The following KLHL1 variants were observed in gnomAD, a reference collection of about 807,000 sequenced individuals.
KLHL1 encodes kelch like family member 1, also known as kelch-like protein 1.
A neutral mutation model predicts 77.7 loss-of-function variants in KLHL1; 47 were observed. The ratio of observed to expected loss-of-function variants is 0.60; its 90% CI spans 0.48 to 0.77. The LOEUF is 0.77. Ranked by LOEUF, KLHL1 falls within the 30% of genes least tolerant of loss-of-function variation. The probability of loss-of-function intolerance (pLI) is 0.00; values close to 1 mark genes in which losing one functional copy is unlikely to be tolerated. For synonymous variants in KLHL1, 360 were observed against 325.2 expected (o/e 1.11, Z -1.15); for missense variants, 925 against 910.8 (o/e 1.02, Z -0.20).
chr13:69,927,805 A>G (rs2030986198), intron 4 of KLHL1, among the ~76,000 whole-genome samples: 1 of 152,232 alleles, frequency 6.6e-6, no homozygotes, highest in Non-Finnish European at 1.5e-5. Context: ...TATGAAATGT[A>G]CAGCTAGGTT....
chr13:69,951,795 C>T lies in KLHL1; in HGVS notation c.817+9513G>A, dbSNP rs527430316. On this transcript the variant is annotated intron_variant, in intron 3 of 10. Coordinates refer to ENST00000377844, the MANE Select transcript of KLHL1 (RefSeq NM_020866.3). Reference sequence around the variant, plus strand: ...GATCACCACTTTTATTTTCTGACTGCGAACATTCATGCCTTTCTTGAAATC... The same window carrying T: ...GATCACCACTTTTATTTTCTGACTGTGAACATTCATGCCTTTCTTGAAATC... Among the ~76,000 whole-genome samples the T allele has an allele frequency of 2.6e-5, 4 of 151,440 alleles. No homozygotes were observed. In the South Asian group the frequency reaches 6.2e-4, roughly 24 times the overall value.
Position 70,108,283 on chromosome 13 carries a change from ATGCCCCGATAGCC to A in KLHL1, c.-597_-585del, listed in dbSNP as rs1283536504. 2 of 367,910 alleles carry A rather than the reference ATGCCCCGATAGCC, an allele frequency of 5.4e-6. No homozygotes were observed. Among genetic ancestry groups the A allele is most frequent in the Non-Finnish European group, 9.6e-6 (2 of 207,530 alleles). The allele number at this position is 367,910 out of a possible 1,614,324, so 22.8% of individuals were successfully genotyped here. On this transcript the variant is annotated 5_prime_UTR_variant, in exon 1 of 11. Transcript: ENST00000377844. ...GCCCCTGTCCCTGGCCTTTTCGAGG[ATGCCCCGATAGCC>A]TGCCGGGTGGCTCTGAGAAAGTCAA... is the stretch of plus-strand genomic sequence containing the variant.
intron 2 of KLHL1, among the ~76,000 whole-genome samples, chr13:69,967,548 G>A (rs1311847191): frequency 6.6e-6 from 1 of 152,188 alleles, no homozygotes; most frequent in African/African-American, 2.4e-5. Flanking sequence ...TACTCCTGGT[G>A]AAAATTCTGT....
At chr13:69,712,559 C>G (rs996041219) in intron 9 of KLHL1, among the ~76,000 whole-genome samples, 2 of 151,964 alleles carry the variant, frequency 1.3e-5, no homozygotes, top group East Asian at 3.9e-4. Context: ...TGTATTGTTA[C>G]TACAATGTCT....
intron 5 of KLHL1, among the ~76,000 whole-genome samples, chr13:69,844,356 A>G (rs1879376312): frequency 6.6e-6 from 1 of 151,724 alleles, no homozygotes; most frequent in South Asian, 2.1e-4. Flanking sequence ...TATGAATAAA[A>G]TATTGTGTAA....
Position 70,100,917 on chromosome 13 carries a change from G to A in KLHL1, c.497+6286C>T, listed in dbSNP as rs568111456. ...TGAGACTCTGATTAAAATGCTGCCC[G>A]TTTTTATGCTCAGAAACTTGATTTA... On this transcript the variant is annotated intron_variant, in intron 1 of 10. Coordinates refer to ENST00000377844, the MANE Select transcript of KLHL1 (RefSeq NM_020866.3). Among the ~76,000 whole-genome samples the A allele has an allele frequency of 1.8e-3, 270 of 152,188 alleles. 1 individual carries two copies. Among genetic ancestry groups the A allele is most frequent in the African/African-American group, 6.1e-3 (252 of 41,524 alleles).
intron 9 of KLHL1, among the ~76,000 whole-genome samples, chr13:69,714,371 A>C (rs1187315021): frequency 6.6e-6 from 1 of 152,106 alleles, no homozygotes; most frequent in Non-Finnish European, 1.5e-5. Context: ...TGTCACAATA[A>C]ACCTTTAAAA....
At chr13:70,016,858 C>A (rs1885672188) in intron 1 of KLHL1, among the ~76,000 whole-genome samples, 1 of 152,090 alleles carries the variant, frequency 6.6e-6, no homozygotes, top group Non-Finnish European at 1.5e-5. Flanking sequence ...CCACCCATGG[C>A]CACCCATGGA....
At chr13:69,804,513 A>G (rs1288534762) in intron 6 of KLHL1, among the ~76,000 whole-genome samples, 2 of 152,168 alleles carry the variant, frequency 1.3e-5, no homozygotes, top group Non-Finnish European at 2.9e-5. Flanking sequence ...CTCTTATTCA[A>G]CTCACCAGAG....
At chr13:69,774,799 ACTAC>A (rs892989042) in intron 7 of KLHL1, among the ~76,000 whole-genome samples, 33 of 152,148 alleles carry the variant, frequency 2.2e-4, no homozygotes, top group African/African-American at 7.0e-4. Context: ...CATTGAACTG[ACTAC>A]CTATGTGTTA....
At chr13:69,961,984 A>C (rs1006970841) in intron 2 of KLHL1, among the ~76,000 whole-genome samples, 14 of 152,076 alleles carry the variant, frequency 9.2e-5, no homozygotes, top group Non-Finnish European at 1.6e-4. Flanking sequence ...TTCAAGTCTT[A>C]AGTAACTTTT....
chr13:69,719,291 T>C (rs1437667371), intron 9 of KLHL1, 78 bp downstream of exon 9: 3 of 1,287,978 alleles, frequency 2.3e-6, no homozygotes, highest in Non-Finnish European at 3.3e-6. Flanking sequence ...AATAATGCAA[T>C]TTTTCCAATC....
At chr13:69,925,660 G>T (rs1243084061) in intron 4 of KLHL1, among the ~76,000 whole-genome samples, 1 of 117,808 alleles carries the variant, frequency 8.5e-6, no homozygotes, top group Non-Finnish European at 1.8e-5. Context: ...AATGATTTTT[G>T]CCCTCTGAAA....
At chr13:69,903,934 C>T (rs969043319) in intron 4 of KLHL1, among the ~76,000 whole-genome samples, 3 of 151,720 alleles carry the variant, frequency 2.0e-5, no homozygotes, top group Non-Finnish European at 4.4e-5. Flanking sequence ...GCCACCGCGC[C>T]CGGCCCTCAC....
chr13:69,915,452 A>G (rs1295854778), intron 4 of KLHL1, among the ~76,000 whole-genome samples: 3 of 152,178 alleles, frequency 2.0e-5, no homozygotes, highest in Non-Finnish European at 4.4e-5. Flanking sequence ...ATCTACAACT[A>G]TCTGATCTTT....
chr13:69,928,024 C>T (rs181072301), intron 4 of KLHL1, among the ~76,000 whole-genome samples: 1 of 152,286 alleles, frequency 6.6e-6, no homozygotes, highest in Admixed American at 6.5e-5. Context: ...ACAGTTTGGG[C>T]CATGTCCTTG....
intron 1 of KLHL1, among the ~76,000 whole-genome samples, chr13:70,073,637 T>G (rs940112656): frequency 1.3e-4 from 19 of 150,592 alleles, no homozygotes; most frequent in Admixed American, 2.0e-4. Context: ...AAAACCCGGG[T>G]GTGGTGGTGT....
chr13:69,897,720 G>A (rs7985990), intron 4 of KLHL1, among the ~76,000 whole-genome samples: 136,060 of 152,130 alleles, frequency 0.89, 61,597 homozygotes, highest in South Asian at 0.98. Context: ...AGTCCCAACA[G>A]GTTTGACCCA....
chr13:70,098,599 T>C (rs1398609248), intron 1 of KLHL1, among the ~76,000 whole-genome samples: 1 of 151,846 alleles, frequency 6.6e-6, no homozygotes, highest in African/African-American at 2.4e-5. Flanking sequence ...TTCCATGAAA[T>C]GGCAGGACAT....
Sources: gnomAD v4.1 joint callset for allele counts (sites outside exome capture counted in the v4.1 genomes callset) on GRCh38, gnomAD v4.1.1 for gene constraint, MANE v1.5 for transcripts, NCBI Gene and HGNC (gene_info 2026-07-23, HGNC 2026-07-21) for gene names.